The following HSF2BP variants were observed in gnomAD, a reference collection of about 807,000 sequenced individuals.
HSF2BP encodes the protein heat shock transcription factor 2 binding protein.
A neutral mutation model predicts 35.0 loss-of-function variants in HSF2BP; 35 were observed. The observed-to-expected ratio is 1.00, with a 90% confidence interval of 0.76 to 1.32. The LOEUF is 1.32. Among genes scored for constraint, HSF2BP ranks in the 40% most tolerant of loss-of-function variants. The pLI, the probability that HSF2BP is intolerant of heterozygous loss-of-function variation, is 0.00. For synonymous variants in HSF2BP, 114 were observed against 117.4 expected, an observed-to-expected ratio of 0.97 and a Z score of 0.18; for missense variants, 326 against 321.7, an observed-to-expected ratio of 1.01 and a Z score of -0.10.
chr21:43,595,910 A>T (rs551537838), intron 7 of HSF2BP, among the ~76,000 whole-genome samples: 1 of 151,688 alleles, frequency 6.6e-6, no homozygotes, highest in Non-Finnish European at 1.5e-5. Context: ...TTTTTAGTAG[A>T]GATGGGGTTT....
chr21:43,575,486 G>A (rs1033784706), intron 8 of HSF2BP, among the ~76,000 whole-genome samples: 7 of 152,242 alleles, frequency 4.6e-5, no homozygotes, highest in Admixed American at 1.3e-4. Flanking sequence ...CTGCCGGCCT[G>A]ATTCTTTCCA....
chr21:43,654,748 A>G (rs2082842534), intron 3 of HSF2BP, among the ~76,000 whole-genome samples: 1 of 152,216 alleles, frequency 6.6e-6, no homozygotes, highest in Non-Finnish European at 1.5e-5. Context: ...GTTCTGGGCT[A>G]GAGAGTAAAT....
At chr21:43,637,365 A>G (rs1298348438) in intron 4 of HSF2BP, among the ~76,000 whole-genome samples, 1 of 152,220 alleles carries the variant, frequency 6.6e-6, no homozygotes, top group Non-Finnish European at 1.5e-5. Flanking sequence ...GGAAATCTAA[A>G]GAGACAGAAA....
rs1296020364 is a variant in HSF2BP at position 43,588,106 on chromosome 21, G to A, written c.796+4119C>T. Among the ~76,000 whole-genome samples, 6 of 152,314 alleles carry A rather than the reference G, an allele frequency of 3.9e-5. No individual in the cohort carries two copies. The East Asian group carries it at 9.6e-4, about 24-fold the overall frequency. On this transcript the variant is annotated intron_variant, in intron 8 of 8. Coordinates refer to ENST00000291560, the MANE Select transcript of HSF2BP (RefSeq NM_007031.2). ...AAGTCATCCAGTACTGGCCCGGCACGGTGGCTCACGCCTGTAATCCCGGCA... is the reference window on the plus strand; with the variant it reads ...AAGTCATCCAGTACTGGCCCGGCACAGTGGCTCACGCCTGTAATCCCGGCA...
chr21:43,642,005 A>G (rs1206544078), intron 4 of HSF2BP, among the ~76,000 whole-genome samples: 3 of 152,058 alleles, frequency 2.0e-5, no homozygotes, highest in African/African-American at 7.3e-5. Context: ...TTCTATAATA[A>G]GTTTCCAGGG....
Position 43,592,099 on chromosome 21 carries a change from G to T in HSF2BP, c.796+126C>A, listed in dbSNP as rs114614305. 2.3e-3 allele frequency: 1,445 copies of T among 631,126 alleles called. 22 individuals are homozygous for T. In the African/African-American group the frequency reaches 0.024, roughly 10 times the overall value. The allele number at this position is 631,126 out of a possible 1,614,324, so 39.1% of individuals were successfully genotyped here. A position where few individuals can be genotyped will look rare whatever the true frequency, so the allele number is the denominator to read the frequency against. The stretch of plus-strand genomic sequence containing the variant: ...TGAATGTTTAAAAATATAGTATATA[G>T]AGAGGATTTGGTGCTATCTCTGGTT... On this transcript the variant is annotated intron_variant, in intron 8 of 8. Transcript: ENST00000291560.
intron 8 of HSF2BP, among the ~76,000 whole-genome samples, chr21:43,585,721 C>G (rs1756926631): frequency 6.6e-6 from 1 of 151,732 alleles, no homozygotes. Context: ...GTAGAGCCAT[C>G]AGGATTTCCT....
At chr21:43,620,705 A>C (rs1411536387) in intron 6 of HSF2BP, among the ~76,000 whole-genome samples, 1 of 151,562 alleles carries the variant, frequency 6.6e-6, no homozygotes, top group Admixed American at 6.6e-5. Context: ...TAAAAAATCA[A>C]CATCATCATC....
rs116458401 is a variant in HSF2BP, at chr21:43,609,323, T to C, written c.692+4507A>G. 4.5e-3 allele frequency among the ~76,000 whole-genome samples: 686 copies of C among 152,292 alleles called. 9 individuals carry two copies. The highest frequency in any genetic ancestry group is 0.016 in the African/African-American group (647 of 41,548). On this transcript the variant is annotated intron_variant, in intron 7 of 8. Transcript: ENST00000291560. ...GGAACAAGGACTGAAAAATCTCCTA[T>C]TGGGTACTATATCTACTATCTGAGT...
chr21:43,642,566 C>CATTCACCTTGCAGGGGCTTCCCTCTGT (rs1199393488), intron 4 of HSF2BP, among the ~76,000 whole-genome samples: 1 of 151,538 alleles, frequency 6.6e-6, no homozygotes. Context: ...CTTCCCTCTG[C>CATTCACCTTGCAGGGGCTTCCCTCTGT]ATTCACCTTG....
intron 6 of HSF2BP, among the ~76,000 whole-genome samples, chr21:43,621,842 T>C (rs1313102917): frequency 2.0e-5 from 3 of 151,888 alleles, no homozygotes; most frequent in Non-Finnish European, 4.4e-5. Context: ...ATAAAATAAA[T>C]ATAAAACACA....
At chr21:43,608,128 CA>C in intron 7 of HSF2BP, among the ~76,000 whole-genome samples, 1 of 151,578 alleles carries the variant, frequency 6.6e-6, no homozygotes, top group Admixed American at 6.6e-5. Flanking sequence ...TTCTCCACAG[CA>C]AAAAAAACTA....
chr21:43,598,389 GT>G (rs10650407), intron 7 of HSF2BP, among the ~76,000 whole-genome samples: 15 of 143,366 alleles, frequency 1.0e-4, no homozygotes, highest in African/African-American at 1.6e-4. Flanking sequence ...GGGTTTTTTT[GT>G]TTTTTTTTTT....
the HSF2BP span, among the ~76,000 whole-genome samples, chr21:43,505,971 G>A: frequency 7.6e-6 from 1 of 130,844 alleles, no homozygotes; most frequent in Non-Finnish European, 1.7e-5. Context: ...CTTTCAGATC[G>A]TACCAACCCT....
chr21:43,641,624 T>C (rs935312147), intron 4 of HSF2BP, among the ~76,000 whole-genome samples: 2 of 152,092 alleles, frequency 1.3e-5, no homozygotes, highest in Admixed American at 6.6e-5. Context: ...AACTTCTGCC[T>C]TTTCCTAGTA....
At chr21:43,626,649 T>C (rs752396961) in intron 6 of HSF2BP, among the ~76,000 whole-genome samples, 3 of 152,210 alleles carry the variant, frequency 2.0e-5, no homozygotes, top group Non-Finnish European at 2.9e-5. Flanking sequence ...ATCAGTGATA[T>C]CTTCTTCACT....
At chr21:43,615,474 C>A (rs2082258744) in intron 6 of HSF2BP, among the ~76,000 whole-genome samples, 1 of 152,174 alleles carries the variant, frequency 6.6e-6, no homozygotes. Flanking sequence ...GAACTCAGAT[C>A]TTTGACATTA....
intron 8 of HSF2BP, among the ~76,000 whole-genome samples, chr21:43,575,697 A>C (rs1181625655): frequency 1.3e-5 from 2 of 152,228 alleles, no homozygotes; most frequent in Non-Finnish European, 2.9e-5. Flanking sequence ...AGCGTGAGCT[A>C]ATGTTAGGAT....
chr21:43,631,198 C>G (rs1448630056), intron 5 of HSF2BP, among the ~76,000 whole-genome samples: 1 of 152,190 alleles, frequency 6.6e-6, no homozygotes, highest in Non-Finnish European at 1.5e-5. Context: ...TTTAGTCTTT[C>G]CACCTAAAGT....
Sources: allele counts gnomAD v4.1 joint callset (sites outside exome capture counted in the v4.1 genomes callset), GRCh38; gene constraint gnomAD v4.1.1; transcripts MANE v1.5; gene names NCBI Gene and HGNC (gene_info 2026-07-23, HGNC 2026-07-21).